The following IL1RAPL2 variants were observed in gnomAD, a reference collection of about 807,000 sequenced individuals.
IL1RAPL2 encodes the protein X-linked interleukin-1 receptor accessory protein-like 2.
A neutral mutation model predicts 44.1 loss-of-function variants in IL1RAPL2; 3 were observed. The observed-to-expected ratio is 0.07, with a 90% CI of 0.03 to 0.18. The LOEUF (loss-of-function observed/expected upper bound fraction) is 0.18, where lower values mean the gene tolerates loss of function less well. Among genes scored for constraint, IL1RAPL2 ranks in the 10% least tolerant of loss-of-function variants. The pLI is 1.00. For synonymous variants in IL1RAPL2, 181 were observed against 178.8 expected (o/e 1.01, Z -0.10); for missense variants, 391 against 496.4 (o/e 0.79, Z 2.02).
At position 105,065,704 on chromosome X, in the gene IL1RAPL2, G is replaced by T. The variant is rs781648165; in HGVS notation, c.83-129771G>T. Among the ~76,000 whole-genome samples, 4 of 111,889 alleles carry T rather than the reference G, an allele frequency of 3.6e-5. No homozygotes were observed. The East Asian group carries it at 8.4e-4, about 24-fold the overall frequency. ...AAAATGCTGGCAGTGGGGTTGTGTT[G>T]CCTATGCTATTTTAAGAAATGGGTT... is the stretch of plus-strand genomic sequence containing the variant. On this transcript the variant is annotated intron_variant, in intron 2 of 10. Coordinates refer to ENST00000372582, the MANE Select transcript of IL1RAPL2 (RefSeq NM_017416.2).
chrX:105,186,080 G>A (rs1300783052), intron 2 of IL1RAPL2, among the ~76,000 whole-genome samples: 1 of 111,714 alleles, frequency 9.0e-6, no homozygotes, highest in Non-Finnish European at 1.9e-5. Flanking sequence ...GTGAAACGAT[G>A]CGTGTAGGTC....
chrX:105,531,864 T>C (rs2036639447), intron 6 of IL1RAPL2, among the ~76,000 whole-genome samples: 1 of 111,880 alleles, frequency 8.9e-6, no homozygotes, highest in African/African-American at 3.2e-5. Flanking sequence ...ACAGGTTCAC[T>C]GTAGGTGTCT....
chrX:104,889,494 T>C (rs906488935), intron 2 of IL1RAPL2, among the ~76,000 whole-genome samples: 12 of 111,921 alleles, frequency 1.1e-4, no homozygotes, highest in Admixed American at 3.8e-4. Flanking sequence ...TATATTCTTA[T>C]GTGGAACATC....
intron 2 of IL1RAPL2, among the ~76,000 whole-genome samples, chrX:104,707,237 A>G (rs1041292638): frequency 6.3e-5 from 7 of 111,605 alleles, no homozygotes; most frequent in Non-Finnish European, 1.1e-4. Context: ...TCAAAATTCA[A>G]TTAGTCAGCA....
At chrX:104,905,258 G>C (rs1923952667) in intron 2 of IL1RAPL2, among the ~76,000 whole-genome samples, 1 of 111,524 alleles carries the variant, frequency 9.0e-6, no homozygotes, top group African/African-American at 3.3e-5. Context: ...TAGGTTTCCT[G>C]TTCACTCTAA....
chrX:105,031,933 C>A (rs1280692916), intron 2 of IL1RAPL2, among the ~76,000 whole-genome samples: 1 of 111,724 alleles, frequency 9.0e-6, no homozygotes, highest in African/African-American at 3.3e-5. Context: ...AGAGATTCAA[C>A]TTCTTCCTGG....
chrX:104,912,962 T>G (rs1440374796), intron 2 of IL1RAPL2, among the ~76,000 whole-genome samples: 12 of 111,716 alleles, frequency 1.1e-4, no homozygotes, highest in African/African-American at 3.6e-4. Context: ...TTGAAATTAC[T>G]AGAAAATAGT....
intron 2 of IL1RAPL2, among the ~76,000 whole-genome samples, chrX:105,029,220 AT>A (rs2031432046): frequency 9.6e-6 from 1 of 103,733 alleles, no homozygotes; most frequent in Non-Finnish European, 2.0e-5. Context: ...AGGTCTTTTT[AT>A]TTTATTTTTT....
intron 2 of IL1RAPL2, among the ~76,000 whole-genome samples, chrX:104,962,874 C>T (rs1274886356): frequency 8.9e-6 from 1 of 112,067 alleles, no homozygotes; most frequent in Non-Finnish European, 1.9e-5. Flanking sequence ...ATGCTATATG[C>T]TCTGTCTAAT....
chrX:104,795,376 A>G (rs1331432204), intron 2 of IL1RAPL2, among the ~76,000 whole-genome samples: 1 of 110,628 alleles, frequency 9.0e-6, no homozygotes, highest in Non-Finnish European at 1.9e-5. Flanking sequence ...TTCATGAAGG[A>G]AAAATAATCT....
At chrX:105,487,091 C>CAAAAAAAA (rs397896906) in intron 6 of IL1RAPL2, among the ~76,000 whole-genome samples, 1 of 38,337 alleles carries the variant, frequency 2.6e-5, no homozygotes. Context: ...GACTCCATCT[C>CAAAAAAAA]AAAAAAAAAA....
intron 5 of IL1RAPL2, among the ~76,000 whole-genome samples, chrX:105,425,792 C>T (rs997111731): frequency 1.1e-4 from 12 of 108,499 alleles, no homozygotes; most frequent in Admixed American, 8.8e-4. Flanking sequence ...ATGACACCAA[C>T]AATTTTCCAG....
At chrX:105,173,019 T>C (rs2033438264) in intron 2 of IL1RAPL2, among the ~76,000 whole-genome samples, 1 of 110,919 alleles carries the variant, frequency 9.0e-6, no homozygotes, top group Non-Finnish European at 1.9e-5. Flanking sequence ...TCTTAATAAT[T>C]TGTGGTCTAG....
intron 5 of IL1RAPL2, among the ~76,000 whole-genome samples, chrX:105,415,712 A>C (rs944542531): frequency 6.3e-5 from 7 of 111,828 alleles, no homozygotes. Context: ...AGTTAACCTT[A>C]TAATTAGCAT....
intron 2 of IL1RAPL2, among the ~76,000 whole-genome samples, chrX:104,879,941 G>A (rs1270077981): frequency 9.0e-6 from 1 of 111,420 alleles, no homozygotes; most frequent in Admixed American, 9.6e-5. Context: ...AGGTAGCCAA[G>A]TAGGATGGCC....
chrX:104,788,463 T>C (rs1295165622), intron 2 of IL1RAPL2, among the ~76,000 whole-genome samples: 2 of 112,203 alleles, frequency 1.8e-5, no homozygotes, highest in Admixed American at 9.5e-5. Flanking sequence ...ACTAGAATCA[T>C]TGGTTCAGCG....
intron 2 of IL1RAPL2, among the ~76,000 whole-genome samples, chrX:104,995,686 G>C (rs952326202): frequency 1.1e-4 from 12 of 111,963 alleles, no homozygotes; most frequent in Admixed American, 4.8e-4. Context: ...CTTTATGATA[G>C]AATGTGCAGA....
intron 2 of IL1RAPL2, among the ~76,000 whole-genome samples, chrX:104,990,357 G>A (rs892064478): frequency 8.9e-6 from 1 of 111,735 alleles, no homozygotes; most frequent in African/African-American, 3.2e-5. Flanking sequence ...ATAAAACTCC[G>A]TAACATTTTA....
chrX:104,902,404 T>C (rs1923847305), intron 2 of IL1RAPL2, among the ~76,000 whole-genome samples: 1 of 112,218 alleles, frequency 8.9e-6, no homozygotes, highest in African/African-American at 3.2e-5. Context: ...TTTTGTTCTT[T>C]GAACTCTGAC....
Sources: allele counts gnomAD v4.1 joint callset (sites outside exome capture counted in the v4.1 genomes callset), GRCh38; gene constraint gnomAD v4.1.1; transcripts MANE v1.5; gene names NCBI Gene and HGNC (gene_info 2026-07-23, HGNC 2026-07-21).